Variants in CDH7 observed in about 807,000 individuals in gnomAD.
CDH7 encodes cadherin 7.
CDH7 carries 25 observed loss-of-function variants against 71.8 expected under a neutral mutation model. The observed-to-expected ratio is 0.35, with a 90% CI of 0.25 to 0.49. CDH7 has a LOEUF of 0.49. Ranked by LOEUF, CDH7 falls within the 20% of genes least tolerant of loss-of-function variation. The pLI is 0.99. For synonymous variants in CDH7, 381 were observed against 363.8 expected (o/e 1.05, Z -0.54); for missense variants, 862 against 974.6 (o/e 0.88, Z 1.54).
intron 2 of CDH7, among the ~76,000 whole-genome samples, chr18:65,768,857 C>T (rs1430316414): frequency 6.6e-6 from 1 of 152,110 alleles, no homozygotes; most frequent in African/African-American, 2.4e-5. Flanking sequence ...TTTGTACAAA[C>T]ATGGTTAACA....
Position 65,885,370 on chromosome 18 carries a change from G to GTTTTTTTTTTTTTTTTT in CDH7, c.*4477_*4478insTTTTTTTTTTTTTTTTT, listed in dbSNP as rs1914341346. 2 of 21,330 alleles carry GTTTTTTTTTTTTTTTTT rather than the reference G, an allele frequency of 9.4e-5. No homozygotes were observed. Among genetic ancestry groups the GTTTTTTTTTTTTTTTTT allele is most frequent in the East Asian group, 4.0e-3 (1 of 252 alleles). The allele number at this position is 21,330 out of a possible 1,614,324, so 1.3% of individuals were successfully genotyped here. A position where few individuals can be genotyped will look rare whatever the true frequency, so the allele number is the denominator to read the frequency against. On this transcript the variant is annotated 3_prime_UTR_variant, in exon 12 of 12. Transcript: ENST00000397968. Reference sequence around the variant, plus strand: ...ATGTAACTGAAAAGGATGTGTGCCTGTGTTTTTTTTTTTTTTTTTTTTTTT... The same window carrying GTTTTTTTTTTTTTTTTT: ...ATGTAACTGAAAAGGATGTGTGCCTGTTTTTTTTTTTTTTTTTTGTTTTTTTTTTTTTTTTTTTTTTT...
At chr18:65,844,764 G>A (rs906226316) in intron 7 of CDH7, among the ~76,000 whole-genome samples, 4 of 151,998 alleles carry the variant, frequency 2.6e-5, no homozygotes, top group African/African-American at 9.7e-5. Context: ...GTGTTTGTGT[G>A]AGACTTATTT....
At chr18:65,773,158 A>G (rs966445287) in intron 2 of CDH7, among the ~76,000 whole-genome samples, 1 of 152,164 alleles carries the variant, frequency 6.6e-6, no homozygotes, top group Non-Finnish European at 1.5e-5. Flanking sequence ...CAGAGGTTCA[A>G]CAGTCATACA....
At chr18:65,876,742 G>C (rs1286051160) in intron 11 of CDH7, among the ~76,000 whole-genome samples, 1 of 152,146 alleles carries the variant, frequency 6.6e-6, no homozygotes, top group African/African-American at 2.4e-5. Context: ...ATCAATATCT[G>C]TTGGTCCCAC....
intron 2 of CDH7, among the ~76,000 whole-genome samples, chr18:65,805,039 T>C (rs1001953098): frequency 6.6e-6 from 1 of 152,198 alleles, no homozygotes; most frequent in East Asian, 1.9e-4. Context: ...CAAATACTGC[T>C]GTTTTTCAAA....
intron 6 of CDH7, among the ~76,000 whole-genome samples, chr18:65,838,183 G>A (rs1215748595): frequency 6.6e-6 from 1 of 152,068 alleles, no homozygotes; most frequent in Non-Finnish European, 1.5e-5. Context: ...GCCTCCCAAA[G>A]TGCTGGAATT....
chr18:65,838,423 T>G (rs1157806504), intron 6 of CDH7, among the ~76,000 whole-genome samples: 2 of 152,196 alleles, frequency 1.3e-5, no homozygotes, highest in Admixed American at 6.5e-5. Flanking sequence ...ATACTCTTAA[T>G]GAAGACAGTC....
At chr18:65,808,730 C>T (rs1911417456) in intron 2 of CDH7, among the ~76,000 whole-genome samples, 1 of 151,862 alleles carries the variant, frequency 6.6e-6, no homozygotes, top group Non-Finnish European at 1.5e-5. Flanking sequence ...TTAAAAAATG[C>T]AAACATAGTT....
At chr18:65,828,671 G>A (rs888385558) in intron 6 of CDH7, among the ~76,000 whole-genome samples, 2 of 151,698 alleles carry the variant, frequency 1.3e-5, no homozygotes, top group Non-Finnish European at 2.9e-5. Context: ...TGTCGGTGGT[G>A]GTTCTCCTAA....
At position 65,862,661 on chromosome 18, in the gene CDH7, C is replaced by T; in HGVS notation, c.1613-5C>T. 1 of 1,613,582 alleles carries T rather than the reference C, an allele frequency of 6.2e-7. No individual in the cohort carries two copies. The highest frequency in any genetic ancestry group is 8.5e-7 in the Non-Finnish European group (1 of 1,179,612). On this transcript the variant is annotated splice_region_variant and splice_polypyrimidine_tract_variant and intron_variant, in intron 10 of 11. Transcript: ENST00000397968. ...GGTGTTATACATTTGCTTTCGTTAT[C>T]CTAGACAACACAGCCTCAATACTGA...
intron 7 of CDH7, among the ~76,000 whole-genome samples, chr18:65,856,404 G>C (rs1048479040): frequency 6.6e-6 from 1 of 152,066 alleles, no homozygotes; most frequent in African/African-American, 2.4e-5. Context: ...AAGGCAAATT[G>C]ATTTTAAGAA....
At position 65,885,812 on chromosome 18, in the gene CDH7, A is replaced by G. The variant is rs757924806; in HGVS notation, c.*4918A>G. The G allele has an allele frequency of 2.4e-4, 36 of 152,184 alleles. 1 individual carries two copies. The highest frequency in any genetic ancestry group is 2.6e-4 in the Non-Finnish European group (18 of 68,028). 9.4% of individuals were successfully genotyped at this position (152,184 alleles called of 1,614,324 possible). A position where few individuals can be genotyped will look rare whatever the true frequency, so the allele number is the denominator to read the frequency against. Reference sequence around the variant, plus strand: ...CTGTTAGGCAATAAGACTAGAAAATATGGTACCGAATGAAAGGAGAAATAT... The same window carrying G: ...CTGTTAGGCAATAAGACTAGAAAATGTGGTACCGAATGAAAGGAGAAATAT... On this transcript the variant is annotated 3_prime_UTR_variant, in exon 12 of 12. Coordinates refer to ENST00000397968, the MANE Select transcript of CDH7 (RefSeq NM_004361.5).
chr18:65,859,396 A>G (rs1219323683), intron 9 of CDH7, among the ~76,000 whole-genome samples: 1 of 152,206 alleles, frequency 6.6e-6, no homozygotes, highest in East Asian at 1.9e-4. Flanking sequence ...AATTAAGTGC[A>G]GTTCAATCTC....
At chr18:65,752,118 C>A (rs370930405) in intron 1 of CDH7, among the ~76,000 whole-genome samples, 3 of 152,184 alleles carry the variant, frequency 2.0e-5, no homozygotes, top group East Asian at 3.9e-4. Flanking sequence ...TCTATTAGAT[C>A]GTTTATTAAG....
rs1913464964 is a variant in CDH7, at chr18:65,858,975, A to G, written c.1423A>G (p.Ile475Val). 2 of 1,612,494 alleles carry G rather than the reference A, an allele frequency of 1.2e-6. No individual in the cohort carries two copies. Among genetic ancestry groups the G allele is most frequent in the Non-Finnish European group, 1.7e-6 (2 of 1,178,590 alleles). Residue 475 changes from isoleucine to valine, a missense_variant, in exon 9 of 12, where the codon ATC becomes GTC. Transcript: ENST00000397968. ...CTATGTGGCCATCACTATACTTGAC[A>G]TCAATGATAACGCCCCTGAATTTGC... ...RGYVAITILD[I>V]NDNAPEFAMD...
intron 7 of CDH7, among the ~76,000 whole-genome samples, chr18:65,850,583 ATTATTATTATTAT>A (rs1913112995): frequency 1.6e-3 from 1 of 608 alleles, no homozygotes; most frequent in South Asian, 0.17. Context: ...CAGAGGTTTT[ATTATTATTATTAT>A]TATTATTATT....
chr18:65,866,812 C>T (rs182767112), intron 11 of CDH7, among the ~76,000 whole-genome samples: 22 of 152,186 alleles, frequency 1.4e-4, no homozygotes, highest in Admixed American at 7.9e-4. Context: ...TCTGATTTCT[C>T]ATTCTTGCTC....
intron 1 of CDH7, among the ~76,000 whole-genome samples, chr18:65,755,609 T>C (rs1055477751): frequency 2.0e-5 from 3 of 152,176 alleles, no homozygotes; most frequent in African/African-American, 7.2e-5. Context: ...CTCTCTAGTG[T>C]TGTATTATGG....
chr18:65,799,394 C>T (rs1372042489), intron 2 of CDH7, among the ~76,000 whole-genome samples: 2 of 151,976 alleles, frequency 1.3e-5, no homozygotes, highest in African/African-American at 4.8e-5. Flanking sequence ...AAGGACAATC[C>T]TGGCCGGGTG....
Sources: gnomAD v4.1 joint callset for allele counts (sites outside exome capture counted in the v4.1 genomes callset) on GRCh38, gnomAD v4.1.1 for gene constraint, MANE v1.5 for transcripts, NCBI Gene and HGNC (gene_info 2026-07-23, HGNC 2026-07-21) for gene names.